Variants in KLHL40 observed in about 807,000 individuals in gnomAD.
The protein encoded by KLHL40 is kelch like family member 40.
Under a neutral mutation model 49.7 loss-of-function variants are expected in KLHL40, and 44 were observed. The ratio of observed to expected loss-of-function variants is 0.89; its 90% CI spans 0.70 to 1.14. The LOEUF (loss-of-function observed/expected upper bound fraction) is 1.14, where lower values mean the gene tolerates loss of function less well. Among genes scored for constraint, KLHL40 ranks in the 50% most tolerant of loss-of-function variants. The pLI, the probability that KLHL40 is intolerant of heterozygous loss-of-function variation, is 0.00. For missense variants in KLHL40, 892 were observed against 850.3 expected (o/e 1.05, Z -0.61); for synonymous variants, 409 against 365.2 (o/e 1.12, Z -1.37).
At chr3:42,691,066 C>T (rs1375483795) in intron 5 of KLHL40, 61 bp downstream of exon 5, 3 of 1,504,846 alleles carry the variant, frequency 2.0e-6, no homozygotes, top group Non-Finnish European at 2.7e-6. Flanking sequence ...CCCATAGCAC[C>T]ATGGTGGGGT....
Position 42,688,921 on chromosome 3 carries a change from G to T in KLHL40, c.1474G>T (p.Glu492Ter). Reference sequence around the variant, plus strand: ...TGACCCCAAGAAGTTTGAGTGGAAGGAGCTGGCACCCATGCAGACCGCCCG... The same window carrying T: ...TGACCCCAAGAAGTTTGAGTGGAAGTAGCTGGCACCCATGCAGACCGCCCG... ...VYDPKKFEWK[E>*]LAPMQTARSL... The change falls in exon 4 of 6, where the codon GAG (glutamate) becomes TAG (stop). Residue 492 changes from glutamate to a stop codon, truncating the protein, a stop_gained. Transcript: ENST00000287777. LOFTEE classifies it high-confidence loss of function. This position sits in a 1 kb window ranked among gnomAD's most constrained non-coding sequence, Gnocchi z 4.2. 6.2e-7 allele frequency: 1 copy of T among 1,614,192 alleles called. No homozygotes were observed. Among genetic ancestry groups the T allele is most frequent in the Middle Eastern group, 1.6e-4 (1 of 6,062 alleles).
chr3:42,685,793 CG>C lies in KLHL40; in HGVS notation c.178del (p.Ala60ArgfsTer4). 3 of 1,612,344 alleles carry C rather than the reference CG, an allele frequency of 1.9e-6. No homozygotes were observed. Among genetic ancestry groups the C allele is most frequent in the Non-Finnish European group, 2.5e-6 (3 of 1,179,586 alleles). ...LVLAACSPYF[R>X]ARFLAEPERA... The stretch of plus-strand genomic sequence containing the variant: ...GCTGGCCGCCTGCAGCCCCTACTTC[CG>C]GGCGCGCTTTCTAGCCGAGCCGGAG... On this transcript the variant is annotated frameshift_variant, in exon 1 of 6. Transcript: ENST00000287777. LOFTEE classifies it high-confidence loss of function.
rs1255835034 is a variant in KLHL40 at position 42,687,177 on chromosome 3, T to C, written c.1152+407T>C. ...ACAATCCTGTATGGTCCTCCCATTG[T>C]ACAGATGAGGAAACTGAGGCCCAGG... is the stretch of plus-strand genomic sequence containing the variant. On this transcript the variant is annotated intron_variant, in intron 1 of 5. Transcript: ENST00000287777. 3.9e-5 allele frequency among the ~76,000 whole-genome samples: 6 copies of C among 152,270 alleles called. No individual in the cohort carries two copies. In the East Asian group the frequency reaches 1.2e-3, roughly 29 times the overall value.
Position 42,688,589 on chromosome 3 carries a change from C to T in KLHL40, c.1314-21C>T. ...AGCCTGGATGGGTGCCCTCCCCCAC[C>T]CCCACTCCCGTCTCCTCCAGGTCAT... On this transcript the variant is annotated intron_variant, in intron 2 of 5. Coordinates refer to ENST00000287777, the MANE Select transcript of KLHL40 (RefSeq NM_152393.4). The surrounding 1 kb of genome is among the most constrained non-coding windows in gnomAD (Gnocchi z 4.2). 7 of 1,590,508 alleles carry T rather than the reference C, an allele frequency of 4.4e-6. No homozygotes were observed. The highest frequency in any genetic ancestry group is 1.1e-5 in the South Asian group (1 of 90,392).
chr3:42,688,939 A>G lies in KLHL40; in HGVS notation c.1492A>G (p.Thr498Ala), dbSNP rs1298516264. The G allele has an allele frequency of 6.2e-7, 1 of 1,614,086 alleles. No individual in the cohort carries two copies. The highest frequency in any genetic ancestry group is 1.7e-5 in the Admixed American group (1 of 60,016). Reference sequence around the variant, plus strand: ...GTGGAAGGAGCTGGCACCCATGCAGACCGCCCGCTCACTCTTTGGGGCCAC... The same window carrying G: ...GTGGAAGGAGCTGGCACCCATGCAGGCCGCCCGCTCACTCTTTGGGGCCAC... ...FEWKELAPMQ[T>A]ARSLFGATVH... Residue 498 changes from threonine (T) to alanine (A), a missense_variant, in exon 4 of 6, where the codon ACC becomes GCC. By Grantham distance (58) the Thr-to-Ala change is moderately conservative (BLOSUM62 0). Transcript: ENST00000287777. This position sits in a 1 kb window ranked among gnomAD's most constrained non-coding sequence, Gnocchi z 4.2.
Position 42,692,023 on chromosome 3 carries a change from C to A in KLHL40, c.*30C>A. On this transcript the variant is annotated 3_prime_UTR_variant, in exon 6 of 6. Coordinates refer to ENST00000287777, the MANE Select transcript of KLHL40 (RefSeq NM_152393.4). ...CTCAGGCAGACTGAACTAAGCACCC[C>A]TCCCATCCTGCGACCCTCACTGGCC... 1 of 1,357,606 alleles carries A rather than the reference C, an allele frequency of 7.4e-7. No individual in the cohort carries two copies. Among genetic ancestry groups the A allele is most frequent in the Non-Finnish European group, 1.1e-6 (1 of 946,500 alleles). The allele number at this position is 1,357,606 out of a possible 1,614,324, so 84.1% of individuals were successfully genotyped here. A position where few individuals can be genotyped will look rare whatever the true frequency, so the allele number is the denominator to read the frequency against.
At chr3:42,691,754 G>C in intron 5 of KLHL40, 128 bp from the exon 6 acceptor site, 1 of 657,138 alleles carries the variant, frequency 1.5e-6, no homozygotes, top group Non-Finnish European at 2.8e-6. Flanking sequence ...CCAGAGCCTG[G>C]GGATTTTCAG....
In KLHL40 at chr3:42,688,130, C is replaced by T. The variant is rs766068206; in HGVS notation, c.1153-12C>T. The T allele has an allele frequency of 6.2e-7, 1 of 1,613,750 alleles. No individual in the cohort carries two copies. Among genetic ancestry groups the T allele is most frequent in the South Asian group, 1.1e-5 (1 of 91,070 alleles). On this transcript the variant is annotated splice_polypyrimidine_tract_variant and intron_variant, in intron 1 of 5. Coordinates refer to ENST00000287777, the MANE Select transcript of KLHL40 (RefSeq NM_152393.4). This position sits in a 1 kb window ranked among gnomAD's most constrained non-coding sequence, Gnocchi z 4.2. ...GTGGGGGGCGGTAGCTGACTGGACA[C>T]CTGGCCTGCAGTTTGACCATCTGGA...
intron 4 of KLHL40, among the ~76,000 whole-genome samples, chr3:42,690,013 G>T (rs566192129): frequency 4.4e-4 from 67 of 152,298 alleles, no homozygotes; most frequent in African/African-American, 1.6e-3. Flanking sequence ...AGTGAGGGTG[G>T]GAGGCCATTT....
chr3:42,686,512 C>T lies in KLHL40; in HGVS notation c.894C>T (p.Ala298=). The change falls in exon 1 of 6, where the codon GCC becomes GCT. Residue 298 remains alanine, a synonymous_variant. Coordinates refer to ENST00000287777, the MANE Select transcript of KLHL40 (RefSeq NM_152393.4). ...SKAKAEEDEE[A]ERILPGILND... The stretch of plus-strand genomic sequence containing the variant: ...CCAAAGCAGAGGAGGATGAGGAGGC[C>T]GAACGTATCCTTCCTGGGATCCTCA... The T allele has an allele frequency of 2.5e-6, 4 of 1,614,138 alleles. No individual in the cohort carries two copies. The highest frequency in any genetic ancestry group is 3.4e-6 in the Non-Finnish European group (4 of 1,180,032).
In KLHL40 at chr3:42,685,758, A is replaced by G; in HGVS notation, c.140A>G (p.His47Arg). Residue 47 changes from histidine (H) to arginine (R), a missense_variant, in exon 1 of 6, where the codon CAT (histidine) becomes CGT (arginine). His to Arg is a conservative substitution (Grantham distance 29, BLOSUM62 0). Transcript: ENST00000287777. Reference protein sequence around the residue: ...VRAGEREFPCHRLVLAACSPY... With the variant: ...VRAGEREFPCRRLVLAACSPY... ...GCGGGCGAGCGCGAGTTCCCGTGCC[A>G]TCGCCTGGTGCTGGCCGCCTGCAGC... 6 of 1,612,502 alleles carry G rather than the reference A, an allele frequency of 3.7e-6. No homozygotes were observed. Among genetic ancestry groups the G allele is most frequent in the Non-Finnish European group, 4.2e-6 (5 of 1,179,684 alleles).
chr3:42,688,759 A>G lies in KLHL40; in HGVS notation c.1421+42A>G. ...AGTGAGTCTGTGGAGCAGAGGTAGA[A>G]TCTCCCAGAGGCTGTCAGGGGTTTG... On this transcript the variant is annotated intron_variant, in intron 3 of 5. Transcript: ENST00000287777. This position sits in a 1 kb window ranked among gnomAD's most constrained non-coding sequence, Gnocchi z 4.2. 6.3e-7 allele frequency: 1 copy of G among 1,592,012 alleles called. No homozygotes were observed. The highest frequency in any genetic ancestry group is 8.6e-7 in the Non-Finnish European group (1 of 1,160,110).
Position 42,692,451 on chromosome 3 carries a change from A to G in KLHL40, c.*458A>G, listed in dbSNP as rs942810352. The G allele has an allele frequency of 3.2e-5, 15 of 472,176 alleles. No individual in the cohort carries two copies. The highest frequency in any genetic ancestry group is 5.4e-5 in the Non-Finnish European group (14 of 259,862). The allele number at this position is 472,176 out of a possible 1,614,324, so 29.2% of individuals were successfully genotyped here. Reference sequence around the variant, plus strand: ...AGCTCAGGGTCTGCATCAGTGCTCCAAGAGTCAGTGAGCAGGTGTGTTGAA... The same window carrying G: ...AGCTCAGGGTCTGCATCAGTGCTCCGAGAGTCAGTGAGCAGGTGTGTTGAA... On this transcript the variant is annotated 3_prime_UTR_variant, in exon 6 of 6. Coordinates refer to ENST00000287777, the MANE Select transcript of KLHL40 (RefSeq NM_152393.4).
rs753241580 is a variant in KLHL40 at position 42,686,600 on chromosome 3, G to C, written c.982G>C (p.Ala328Pro). The change falls in exon 1 of 6, where the codon GCT (alanine) becomes CCT (proline). Residue 328 changes from alanine to proline, a missense_variant. Physicochemically the swap from Ala to Pro is conservative, Grantham distance 27. Transcript: ENST00000287777. The stretch of plus-strand genomic sequence containing the variant: ...CATCTTCATGATCAGTGAGGAGGGC[G>C]CTGTGGCCTACGATCCAGCAGCCAA... Reference protein sequence around the residue: ...DLIFMISEEGAVAYDPAANEC... With the variant: ...DLIFMISEEGPVAYDPAANEC... The C allele has an allele frequency of 6.2e-7, 1 of 1,613,980 alleles. No homozygotes were observed. The highest frequency in any genetic ancestry group is 1.3e-5 in the African/African-American group (1 of 74,926).
At position 42,686,455 on chromosome 3, in the gene KLHL40, G is replaced by A; in HGVS notation, c.837G>A (p.Gly279=). The A allele has an allele frequency of 6.2e-7, 1 of 1,613,996 alleles. No individual in the cohort carries two copies. Among genetic ancestry groups the A allele is most frequent in the Non-Finnish European group, 8.5e-7 (1 of 1,179,992 alleles). ...AAAAGAAGGGGAAGGATGGAGCCGG[G>A]GCCAAGGAGGCTGATAAGGGCACAA... ...RKKKKGKDGA[G]AKEADKGTSK... Residue 279 remains glycine (G), a synonymous_variant, in exon 1 of 6, where the codon GGG becomes GGA. Coordinates refer to ENST00000287777, the MANE Select transcript of KLHL40 (RefSeq NM_152393.4).
Position 42,686,404 on chromosome 3 carries a change from G to A in KLHL40, c.786G>A (p.Glu262=). ...RKVQMVKDAH[E]GRITTLRKKK... is the part of the protein sequence containing the mutation. ...TGCAGATGGTGAAGGATGCACACGA[G>A]GGCCGCATCACCACGCTGCGGAAGA... The change falls in exon 1 of 6, where the codon GAG becomes GAA. Residue 262 remains glutamate (E), a synonymous_variant. Coordinates refer to ENST00000287777, the MANE Select transcript of KLHL40 (RefSeq NM_152393.4). The A allele has an allele frequency of 6.2e-7, 1 of 1,613,720 alleles. No individual in the cohort carries two copies. The highest frequency in any genetic ancestry group is 1.1e-5 in the South Asian group (1 of 91,086).
Position 42,686,272 on chromosome 3 carries a change from C to T in KLHL40, c.654C>T (p.Pro218=). 1 of 1,563,038 alleles carries T rather than the reference C, an allele frequency of 6.4e-7. No individual in the cohort carries two copies. The highest frequency in any genetic ancestry group is 8.7e-7 in the Non-Finnish European group (1 of 1,154,288). Residue 218 remains proline, a synonymous_variant, in exon 1 of 6, where the codon CCC becomes CCT. Transcript: ENST00000287777. ...AGGCTGAGCGCCAGCGCGCGCTGCC[C>T]ACCGTCTTCGAGAGCGTGCGCTGCC... The part of the protein sequence containing the change: ...EAQAERQRAL[P]TVFESVRCRL...
chr3:42,688,254 T>G lies in KLHL40; in HGVS notation c.1265T>G (p.Ile422Ser). ...ATCTACGTGGTCGGTGGCAGAGAGA[T>G]CAAGGACGGCGAGCGCTGCCTGGAC... ...NSIYVVGGREIKDGERCLDSV... is the reference protein window; with the variant it reads ...NSIYVVGGRESKDGERCLDSV... Residue 422 changes from isoleucine (I) to serine (S), a missense_variant, in exon 2 of 6, where the codon ATC (isoleucine) becomes AGC (serine). Transcript: ENST00000287777. This position sits in a 1 kb window ranked among gnomAD's most constrained non-coding sequence, Gnocchi z 4.2. 6.2e-7 allele frequency: 1 copy of G among 1,613,832 alleles called. No homozygotes were observed. Among genetic ancestry groups the G allele is most frequent in the Non-Finnish European group, 8.5e-7 (1 of 1,179,990 alleles).
In KLHL40 at chr3:42,686,336, C is replaced by G. The variant is rs570808671; in HGVS notation, c.718C>G (p.Arg240Gly). ...PRAFLESRVE[R>G]HPLVRAQPEL... ...CGCCTTTCTGGAAAGCCGCGTGGAGCGCCACCCTCTCGTGCGTGCCCAGCC... is the reference window on the plus strand; with the variant it reads ...CGCCTTTCTGGAAAGCCGCGTGGAGGGCCACCCTCTCGTGCGTGCCCAGCC... The change falls in exon 1 of 6, where the codon CGC becomes GGC. Residue 240 changes from arginine (R) to glycine (G), a missense_variant. Transcript: ENST00000287777. 2.5e-6 allele frequency: 4 copies of G among 1,610,774 alleles called. No homozygotes were observed. The highest frequency in any genetic ancestry group is 3.4e-6 in the Non-Finnish European group (4 of 1,178,836).
Sources: allele counts gnomAD v4.1 joint callset (sites outside exome capture counted in the v4.1 genomes callset), GRCh38; gene constraint gnomAD v4.1.1; non-coding constraint Gnocchi (gnomAD v3.1); transcripts MANE v1.5; gene names NCBI Gene and HGNC (gene_info 2026-07-23, HGNC 2026-07-21).